GSK3B: variants seen among roughly 807,000 people sequenced by gnomAD.
GSK3B encodes the protein glycogen synthase kinase 3 beta.
In GSK3B, 15 loss-of-function variants were observed where a neutral mutation model predicts 56.4. The observed-to-expected ratio is 0.27, with a 90% confidence interval of 0.18 to 0.41. The LOEUF (loss-of-function observed/expected upper bound fraction) is 0.41. Among genes scored for constraint, GSK3B ranks in the 10% least tolerant of loss-of-function variants. The pLI, the probability that GSK3B is intolerant of heterozygous loss-of-function variation, is 1.00. For missense variants in GSK3B, 300 were observed against 513.4 expected (o/e 0.58, Z 4.02); for synonymous variants, 181 against 188.9 (o/e 0.96, Z 0.34).
chr3:120,007,975 T>G (rs1001081331), intron 1 of GSK3B, among the ~76,000 whole-genome samples: 1 of 151,944 alleles, frequency 6.6e-6, no homozygotes, highest in Non-Finnish European at 1.5e-5. Context: ...GGAAGTCAAA[T>G]TGTCTCTGTT....
chr3:120,012,981 T>G (rs1441813654), intron 1 of GSK3B, among the ~76,000 whole-genome samples: 2 of 152,098 alleles, frequency 1.3e-5, no homozygotes, highest in Admixed American at 1.3e-4. Context: ...AACCACTGTA[T>G]CCAGTCTAGA....
intron 10 of GSK3B, among the ~76,000 whole-genome samples, chr3:119,831,609 A>G (rs909655969): frequency 2.6e-5 from 4 of 151,904 alleles, no homozygotes; most frequent in African/African-American, 9.7e-5. Flanking sequence ...ATGAGCCGAA[A>G]TCATGCCACT....
chr3:119,974,578 T>A (rs1435747857), intron 2 of GSK3B, among the ~76,000 whole-genome samples: 1 of 152,164 alleles, frequency 6.6e-6, no homozygotes, highest in Non-Finnish European at 1.5e-5. Context: ...ACTTCCCTAG[T>A]CTCCATAACC....
At position 120,002,187 on chromosome 3, in the gene GSK3B, A is replaced by T. The variant is rs778683487; in HGVS notation, c.141T>A (p.Gly47=). 1 of 1,604,152 alleles carries T rather than the reference A, an allele frequency of 6.2e-7. No individual in the cohort carries two copies. The highest frequency in any genetic ancestry group is 8.5e-7 in the Non-Finnish European group (1 of 1,176,122). The stretch of plus-strand genomic sequence containing the variant: ...AGCTGACTTCTTGTGGCCTGTCTGG[A>T]CCCTGCCCAGGAGTTGCCACCACTG... ...VTTVVATPGQ[G]PDRPQEVSYT... is the part of the protein sequence containing the mutation. The change falls in exon 2 of 11, where the codon GGT becomes GGA. Residue 47 remains glycine, a synonymous_variant. Coordinates refer to ENST00000264235, the MANE Select transcript of GSK3B (RefSeq NM_001146156.2).
At position 120,021,024 on chromosome 3, in the gene GSK3B, C is replaced by T. The variant is rs1284795415; in HGVS notation, c.89-18785G>A. Among the ~76,000 whole-genome samples, 5 of 152,038 alleles carry T rather than the reference C, an allele frequency of 3.3e-5. No homozygotes were observed. The South Asian group carries it at 6.2e-4, about 19-fold the overall frequency. On this transcript the variant is annotated intron_variant, in intron 1 of 10. Coordinates refer to ENST00000264235, the MANE Select transcript of GSK3B (RefSeq NM_001146156.2). ...GAACCCTCTTCAATTCTCTGAAGGC[C>T]GACAGAAGCCTTCAAGGAAGGCTGC...
At chr3:120,074,300 T>TA (rs569240290) in intron 1 of GSK3B, among the ~76,000 whole-genome samples, 118 of 128,516 alleles carry the variant, frequency 9.2e-4, no homozygotes, top group Non-Finnish European at 8.7e-4. Flanking sequence ...GCCCTGTCTC[T>TA]AAAAAAAAAA....
intron 3 of GSK3B, among the ~76,000 whole-genome samples, chr3:119,934,641 C>T (rs2056977244): frequency 6.6e-6 from 1 of 152,112 alleles, no homozygotes; most frequent in Admixed American, 6.5e-5. Context: ...TCTGAATAAA[C>T]TATAATAATT....
At chr3:119,845,716 G>C (rs1485809883) in intron 9 of GSK3B, among the ~76,000 whole-genome samples, 1 of 152,146 alleles carries the variant, frequency 6.6e-6, no homozygotes, top group Admixed American at 6.6e-5. Context: ...AATTAATATG[G>C]TGAAAATGGC....
At chr3:120,023,228 T>G (rs1419208269) in intron 1 of GSK3B, among the ~76,000 whole-genome samples, 16 of 149,694 alleles carry the variant, frequency 1.1e-4, no homozygotes, top group Non-Finnish European at 1.9e-4. Context: ...AAAAAATCAG[T>G]GGAAACTTTA....
chr3:119,830,945 T>C (rs536261341), intron 10 of GSK3B, among the ~76,000 whole-genome samples: 2 of 152,134 alleles, frequency 1.3e-5, no homozygotes, highest in Non-Finnish European at 2.9e-5. Context: ...AATACATATA[T>C]TTATAATCTA....
intron 1 of GSK3B, among the ~76,000 whole-genome samples, chr3:120,051,074 C>G (rs1299334886): frequency 1.3e-5 from 2 of 149,384 alleles, no homozygotes; most frequent in African/African-American, 2.5e-5. Flanking sequence ...ATCAGTGGGC[C>G]AAACACCAGG....
At position 119,876,406 on chromosome 3, in the gene GSK3B, A is replaced by G. The variant is rs769275172; in HGVS notation, c.909+7T>C. 1 of 1,494,810 alleles carries G rather than the reference A, an allele frequency of 6.7e-7. No homozygotes were observed. The highest frequency in any genetic ancestry group is 9.3e-7 in the Non-Finnish European group (1 of 1,073,778). The allele number at this position is 1,494,810 out of a possible 1,614,324, so 92.6% of individuals were successfully genotyped here. On this transcript the variant is annotated splice_region_variant and intron_variant, in intron 8 of 10. Coordinates refer to ENST00000264235, the MANE Select transcript of GSK3B (RefSeq NM_001146156.2). Reference sequence around the variant, plus strand: ...GATTAATATACTTAAAAAAAAATCTAACTCACCTTAGTCCAAGGATGTGCC... The same window carrying G: ...GATTAATATACTTAAAAAAAAATCTGACTCACCTTAGTCCAAGGATGTGCC...
At chr3:120,079,345 CACACAT>C (rs1347443784) in intron 1 of GSK3B, among the ~76,000 whole-genome samples, 22 of 106,222 alleles carry the variant, frequency 2.1e-4, no homozygotes, top group African/African-American at 6.3e-4. Context: ...CACACACACA[CACACAT>C]TTTTTTTTTT....
chr3:119,920,906 G>A (rs368687909), intron 4 of GSK3B, among the ~76,000 whole-genome samples: 11 of 152,176 alleles, frequency 7.2e-5, no homozygotes, highest in South Asian at 2.1e-4. Flanking sequence ...AGCTCTGTTC[G>A]CTAAAAAGAC....
chr3:119,830,298 A>AG (rs1175562711), intron 10 of GSK3B, among the ~76,000 whole-genome samples: 115 of 152,352 alleles, frequency 7.5e-4, no homozygotes, highest in African/African-American at 2.5e-3. Context: ...TTTTAGAAAT[A>AG]ACTCAAGAAA....
chr3:120,005,407 A>T lies in GSK3B; in HGVS notation c.89-3168T>A, dbSNP rs562146528. ...ACATAGCAAGGCAGGCCAACATTCA[A>T]ATTCAGGAAATACAGAGACCACCAC... On this transcript the variant is annotated intron_variant, in intron 1 of 10. Coordinates refer to ENST00000264235, the MANE Select transcript of GSK3B (RefSeq NM_001146156.2). Among the ~76,000 whole-genome samples, 13 of 152,292 alleles carry T rather than the reference A, an allele frequency of 8.5e-5. No homozygotes were observed. The South Asian group carries it at 2.7e-3, about 32-fold the overall frequency.
intron 1 of GSK3B, among the ~76,000 whole-genome samples, chr3:120,010,598 T>C (rs1443140745): frequency 6.6e-6 from 1 of 152,214 alleles, no homozygotes; most frequent in Non-Finnish European, 1.5e-5. Context: ...CTGAACAAGT[T>C]GCTTGCAAAA....
At chr3:120,019,623 T>G (rs370173401) in intron 1 of GSK3B, among the ~76,000 whole-genome samples, 3 of 152,332 alleles carry the variant, frequency 2.0e-5, no homozygotes, top group South Asian at 4.1e-4. Context: ...AATACAATCT[T>G]AACCATAGCC....
intron 6 of GSK3B, among the ~76,000 whole-genome samples, chr3:119,906,605 A>T (rs757345277): frequency 1.2e-4 from 18 of 152,064 alleles, no homozygotes; most frequent in Non-Finnish European, 1.9e-4. Context: ...TTTCTCTCTC[A>T]AAAGTATTAT....
Sources: gnomAD v4.1 joint callset for allele counts (sites outside exome capture counted in the v4.1 genomes callset) on GRCh38, gnomAD v4.1.1 for gene constraint, MANE v1.5 for transcripts, NCBI Gene and HGNC (gene_info 2026-07-23, HGNC 2026-07-21) for gene names.